ZNF423: variants seen among roughly 807,000 people sequenced by gnomAD.
The protein encoded by ZNF423 is zinc finger protein 423.
A neutral mutation model predicts 95.8 loss-of-function variants in ZNF423; 12 were observed. That is an observed-to-expected ratio of 0.13 (90% confidence interval 0.08 to 0.20). ZNF423 has a LOEUF of 0.20. Among genes scored for constraint, ZNF423 ranks in the 10% least tolerant of loss-of-function variants. The probability of loss-of-function intolerance (pLI) is 1.00; values close to 1 mark genes in which losing one functional copy is unlikely to be tolerated. For missense variants in ZNF423, 1,316 were observed against 1,737.1 expected, an observed-to-expected ratio of 0.76 and a Z score of 4.31; for synonymous variants, 749 against 711.9, an observed-to-expected ratio of 1.05 and a Z score of -0.83.
At chr16:49,572,879 T>C (rs1480536691) in intron 5 of ZNF423, among the ~76,000 whole-genome samples, 3 of 152,208 alleles carry the variant, frequency 2.0e-5, no homozygotes, top group Non-Finnish European at 2.9e-5. Flanking sequence ...CCTGGCTCAA[T>C]AGTCTCTTAC....
At chr16:49,834,888 G>A (rs1489527051) in intron 1 of ZNF423, among the ~76,000 whole-genome samples, 1 of 152,014 alleles carries the variant, frequency 6.6e-6, no homozygotes, top group East Asian at 1.9e-4. Flanking sequence ...GGGGGCCCAG[G>A]AGGGCTGGGG....
chr16:49,671,805 C>T (rs558952031), intron 3 of ZNF423, among the ~76,000 whole-genome samples: 26 of 152,244 alleles, frequency 1.7e-4, no homozygotes, highest in African/African-American at 5.5e-4. Flanking sequence ...ATGCCTTAGC[C>T]TCCTGAGTAG....
At chr16:49,762,313 G>A (rs2033846528) in intron 2 of ZNF423, among the ~76,000 whole-genome samples, 1 of 152,200 alleles carries the variant, frequency 6.6e-6, no homozygotes, top group Non-Finnish European at 1.5e-5. Context: ...CCTCCACTGA[G>A]GGCCTAAGCT....
intron 3 of ZNF423, among the ~76,000 whole-genome samples, chr16:49,694,837 G>A (rs1316816203): frequency 6.6e-6 from 1 of 152,212 alleles, no homozygotes; most frequent in Non-Finnish European, 1.5e-5. Context: ...AAATACTTGT[G>A]AGCATTTCCA....
At chr16:49,747,049 G>T (rs2033539865) in intron 2 of ZNF423, among the ~76,000 whole-genome samples, 1 of 152,138 alleles carries the variant, frequency 6.6e-6, no homozygotes, top group African/African-American at 2.4e-5. Context: ...CAGAGATCGG[G>T]GGAAAGAGTT....
chr16:49,825,912 G>C (rs1017837488), intron 1 of ZNF423, among the ~76,000 whole-genome samples: 13 of 152,150 alleles, frequency 8.5e-5, no homozygotes, highest in Non-Finnish European at 1.2e-4. Flanking sequence ...AAAATCTCTT[G>C]CTTATTGAAA....
intron 3 of ZNF423, among the ~76,000 whole-genome samples, chr16:49,706,146 C>A (rs2032342594): frequency 6.6e-6 from 1 of 152,102 alleles, no homozygotes; most frequent in African/African-American, 2.4e-5. Flanking sequence ...CCAGACATGA[C>A]CACAAATGGC....
chr16:49,496,236 G>T (rs1967161039), intron 7 of ZNF423, among the ~76,000 whole-genome samples: 1 of 152,214 alleles, frequency 6.6e-6, no homozygotes, highest in African/African-American at 2.4e-5. Flanking sequence ...CGGGTTTTGG[G>T]GGTGGTTAAT....
At chr16:49,828,353 A>T (rs1242573272) in intron 1 of ZNF423, among the ~76,000 whole-genome samples, 1 of 152,232 alleles carries the variant, frequency 6.6e-6, no homozygotes, top group Non-Finnish European at 1.5e-5. Context: ...CAGTCTGGCA[A>T]ATGAGCATTT....
intron 1 of ZNF423, among the ~76,000 whole-genome samples, chr16:49,815,916 T>A (rs7198620): frequency 0.016 from 389 of 24,632 alleles, 3 homozygotes; most frequent in African/African-American, 0.027. Context: ...ATATATATAT[T>A]TTTTTTTTTT....
At chr16:49,796,399 G>A (rs1431064858) in intron 1 of ZNF423, among the ~76,000 whole-genome samples, 1 of 152,222 alleles carries the variant, frequency 6.6e-6, no homozygotes, top group South Asian at 2.1e-4. Context: ...CCACCCAGAG[G>A]GCTCCCCAAC....
chr16:49,806,211 C>T (rs1009098096), intron 1 of ZNF423, among the ~76,000 whole-genome samples: 3 of 152,194 alleles, frequency 2.0e-5, no homozygotes, highest in Non-Finnish European at 2.9e-5. Context: ...GGTGGTGGAG[C>T]GGGGGGCACC....
intron 4 of ZNF423, among the ~76,000 whole-genome samples, chr16:49,634,204 C>CT (rs528621494): frequency 0.035 from 4,003 of 114,168 alleles, 87 homozygotes; most frequent in Middle Eastern, 0.11. Flanking sequence ...CCACACCTGG[C>CT]TTTTTTTTTT....
chr16:49,845,709 T>A (rs1224349640), intron 1 of ZNF423, among the ~76,000 whole-genome samples: 1 of 149,660 alleles, frequency 6.7e-6, no homozygotes, highest in Non-Finnish European at 1.5e-5. Context: ...CCCTCCTAAT[T>A]TTTTTTTTAT....
At chr16:49,781,003 A>T (rs1468567544) in intron 2 of ZNF423, among the ~76,000 whole-genome samples, 1 of 152,196 alleles carries the variant, frequency 6.6e-6, no homozygotes. Flanking sequence ...GGCAGCATGC[A>T]CCACGGGCCA....
At chr16:49,784,197 G>A (rs187362371) in intron 2 of ZNF423, among the ~76,000 whole-genome samples, 59 of 152,066 alleles carry the variant, frequency 3.9e-4, no homozygotes, top group African/African-American at 1.1e-3. Flanking sequence ...GCAATTCCAC[G>A]CCTACAAACA....
chr16:49,835,489 C>T (rs976706756), intron 1 of ZNF423, among the ~76,000 whole-genome samples: 5 of 152,208 alleles, frequency 3.3e-5, no homozygotes, highest in Non-Finnish European at 7.4e-5. Flanking sequence ...GCGACGCCCC[C>T]TAGCCAGGAA....
chr16:49,746,262 C>T (rs542819517), intron 2 of ZNF423, among the ~76,000 whole-genome samples: 3 of 152,096 alleles, frequency 2.0e-5, no homozygotes, highest in Admixed American at 6.5e-5. Context: ...CCACTGGGTG[C>T]GGGAAGAAAA....
rs530026054 is a variant in ZNF423, at chr16:49,740,027, C to T, written c.101-9056G>A. On this transcript the variant is annotated intron_variant, in intron 2 of 7. Transcript: ENST00000563137. ...GCGCCTGCCAACGCACTCGGCTAGA[C>T]CCAGGTAATTTTTAAAATTTTTGTA... is the stretch of plus-strand genomic sequence containing the variant. Among the ~76,000 whole-genome samples, 22 of 151,744 alleles carry T rather than the reference C, an allele frequency of 1.4e-4. No individual in the cohort carries two copies. In the South Asian group the frequency reaches 4.6e-3, roughly 32 times the overall value.
Sources: allele counts gnomAD v4.1 joint callset (sites outside exome capture counted in the v4.1 genomes callset), GRCh38; gene constraint gnomAD v4.1.1; transcripts MANE v1.5; gene names NCBI Gene and HGNC (gene_info 2026-07-23, HGNC 2026-07-21).